Variants in NFAT5 observed in about 807,000 individuals in gnomAD.
NFAT5 encodes the protein nuclear factor of activated T-cells 5.
Under a neutral mutation model 166.5 loss-of-function variants are expected in NFAT5, and 31 were observed. That is an observed-to-expected ratio of 0.19 (90% CI 0.14 to 0.25). The LOEUF (loss-of-function observed/expected upper bound fraction) is 0.25. Among genes scored for constraint, NFAT5 ranks in the 10% least tolerant of loss-of-function variants. NFAT5 has a pLI of 1.00. For synonymous variants in NFAT5, 612 were observed against 639.7 expected, an observed-to-expected ratio of 0.96 and a Z score of 0.65; for missense variants, 1,449 against 1,821.8, an observed-to-expected ratio of 0.80 and a Z score of 3.72.
At chr16:69,622,188 G>A (rs188624888) in intron 2 of NFAT5, among the ~76,000 whole-genome samples, 3 of 152,318 alleles carry the variant, frequency 2.0e-5, no homozygotes, top group Admixed American at 6.5e-5. Context: ...TTATAGTTTA[G>A]AGGGAATATC....
At chr16:69,635,626 T>C (rs1043818991) in intron 3 of NFAT5, among the ~76,000 whole-genome samples, 1 of 152,138 alleles carries the variant, frequency 6.6e-6, no homozygotes, top group African/African-American at 2.4e-5. Context: ...CTCAGAATCA[T>C]GGCAGGAGGC....
At chr16:69,665,631 C>T (rs1412786680) in intron 7 of NFAT5, among the ~76,000 whole-genome samples, 2 of 96,644 alleles carry the variant, frequency 2.1e-5, no homozygotes, top group East Asian at 3.5e-4. Flanking sequence ...AGGACCTCTT[C>T]AAGGAGAACT....
At chr16:69,591,774 A>T (rs909009763) in intron 2 of NFAT5, among the ~76,000 whole-genome samples, 12 of 152,122 alleles carry the variant, frequency 7.9e-5, no homozygotes, top group Admixed American at 1.3e-4. Context: ...TCAGCACTTC[A>T]TGGGGCCAAG....
intron 11 of NFAT5, among the ~76,000 whole-genome samples, chr16:69,687,961 G>A (rs1402240614): frequency 6.6e-6 from 1 of 151,626 alleles, no homozygotes; most frequent in Non-Finnish European, 1.5e-5. Flanking sequence ...TTGGGAGGCC[G>A]AGGCGGGTGG....
At chr16:69,587,224 G>A (rs578009427) in intron 2 of NFAT5, among the ~76,000 whole-genome samples, 18 of 142,258 alleles carry the variant, frequency 1.3e-4, no homozygotes, top group Non-Finnish European at 1.8e-4. Context: ...TGGAATTACC[G>A]CCTGGCTAAT....
intron 7 of NFAT5, among the ~76,000 whole-genome samples, chr16:69,660,905 C>G (rs2036097955): frequency 6.6e-6 from 1 of 151,640 alleles, no homozygotes; most frequent in African/African-American, 2.4e-5. Context: ...ACCTCCCAGG[C>G]TCAAGCGATT....
intron 6 of NFAT5, among the ~76,000 whole-genome samples, chr16:69,657,550 G>A (rs1387908300): frequency 6.7e-6 from 1 of 150,306 alleles, no homozygotes; most frequent in African/African-American, 2.4e-5. Context: ...CACTAAGTCA[G>A]GAGTTCAAGA....
chr16:69,566,604 A>G lies in NFAT5; in HGVS notation c.73+230A>G, dbSNP rs1007272857. Among the ~76,000 whole-genome samples the G allele has an allele frequency of 2.6e-5, 4 of 151,998 alleles. No homozygotes were observed. Among genetic ancestry groups the G allele is most frequent in the Admixed American group, 1.3e-4 (2 of 15,290 alleles). On this transcript the variant is annotated intron_variant, in intron 1 of 14. Coordinates refer to ENST00000349945, the MANE Select transcript of NFAT5 (RefSeq NM_138713.4). This position sits in a 1 kb window ranked among gnomAD's most constrained non-coding sequence, Gnocchi z 5.7. ...CGGAGCCGCCGGCCGCTCGGGGCCC[A>G]GATTCCGTCGGCCCCCGGGGCTCTG...
At chr16:69,650,332 C>T (rs148875083) in intron 4 of NFAT5, among the ~76,000 whole-genome samples, 3 of 152,016 alleles carry the variant, frequency 2.0e-5, no homozygotes, top group South Asian at 2.1e-4. Context: ...AACTTGACTA[C>T]GTTTCTAAGC....
rs1231360023 is a variant in NFAT5, at chr16:69,699,836, C to CTCTGTG, written c.*3486_*3487insCTGTGT. 4.0e-5 allele frequency: 6 copies of CTCTGTG among 148,168 alleles called. No individual in the cohort carries two copies. Among genetic ancestry groups the CTCTGTG allele is most frequent in the African/African-American group, 1.3e-4 (5 of 39,550 alleles). The allele number at this position is 148,168 out of a possible 1,614,324, so 9.2% of individuals were successfully genotyped here. ...TCTTTCTCTCTCTCTCTCTCTCTCT[C>CTCTGTG]TGTGTGTGTGTGTGTATGTGTGTGT... is the stretch of plus-strand genomic sequence containing the variant. On this transcript the variant is annotated 3_prime_UTR_variant, in exon 15 of 15. Transcript: ENST00000349945.
intron 5 of NFAT5, among the ~76,000 whole-genome samples, chr16:69,654,967 A>G (rs1299278416): frequency 6.6e-6 from 1 of 152,176 alleles, no homozygotes; most frequent in Non-Finnish European, 1.5e-5. Context: ...GCTGTTTTAA[A>G]TATTTATTTA....
At chr16:69,608,097 G>A (rs527432193) in intron 2 of NFAT5, among the ~76,000 whole-genome samples, 1 of 151,840 alleles carries the variant, frequency 6.6e-6, no homozygotes, top group South Asian at 2.1e-4. Flanking sequence ...GCTCACGCCT[G>A]TAATCCCAGC....
rs754060819 is a variant in NFAT5, at chr16:69,699,852, A to ATG, written c.*3523_*3524dup. On this transcript the variant is annotated 3_prime_UTR_variant, in exon 15 of 15. Coordinates refer to ENST00000349945, the MANE Select transcript of NFAT5 (RefSeq NM_138713.4). The stretch of plus-strand genomic sequence containing the variant: ...TCTCTCTCTCTGTGTGTGTGTGTGT[A>ATG]TGTGTGTGTGTGTGTGTGTGTGTTT... 9,189 of 141,376 alleles carry ATG rather than the reference A, an allele frequency of 0.065. 299 individuals are homozygous for ATG. The highest frequency in any genetic ancestry group is 0.086 in the Middle Eastern group (23 of 266). The allele number at this position is 141,376 out of a possible 1,614,324, so 8.8% of individuals were successfully genotyped here.
intron 3 of NFAT5, among the ~76,000 whole-genome samples, chr16:69,639,449 A>G (rs1055319846): frequency 3.9e-5 from 6 of 152,200 alleles, no homozygotes; most frequent in Admixed American, 1.3e-4. Context: ...ACTGGAGAGT[A>G]ATTGTTTTAT....
At chr16:69,599,738 G>A (rs975967984) in intron 2 of NFAT5, among the ~76,000 whole-genome samples, 3 of 152,166 alleles carry the variant, frequency 2.0e-5, no homozygotes, top group African/African-American at 2.4e-5. Flanking sequence ...TAAATGTGGA[G>A]TTTTCCAGGT....
chr16:69,602,584 C>CTTTT (rs1396442587), intron 2 of NFAT5, among the ~76,000 whole-genome samples: 3 of 134,330 alleles, frequency 2.2e-5, no homozygotes, highest in South Asian at 2.4e-4. Context: ...TTCTTTCTTT[C>CTTTT]TTTTTTTTTT....
chr16:69,685,117 C>T, intron 11 of NFAT5, 147 bp downstream of exon 11: 1 of 333,198 alleles, frequency 3.0e-6, no homozygotes, highest in East Asian at 4.8e-5. Context: ...TTTAACTTTA[C>T]TAAATGTAGA....
At chr16:69,584,106 A>G (rs2031879338) in intron 2 of NFAT5, among the ~76,000 whole-genome samples, 1 of 151,898 alleles carries the variant, frequency 6.6e-6, no homozygotes, top group South Asian at 2.1e-4. Flanking sequence ...CGCACCTTTA[A>G]TGCCAGCTAC....
intron 7 of NFAT5, among the ~76,000 whole-genome samples, chr16:69,661,539 TAAAAAAAAAAAAAA>T (rs1037382239): frequency 2.6e-5 from 1 of 37,930 alleles, no homozygotes; most frequent in Non-Finnish European, 4.4e-5. Flanking sequence ...CCCAGTCTCT[TAAAAAAAAAAAAAA>T]AAAAAAAAAA....
Sources: gnomAD v4.1 joint callset for allele counts (sites outside exome capture counted in the v4.1 genomes callset) on GRCh38, gnomAD v4.1.1 for gene constraint, Gnocchi (gnomAD v3.1) non-coding constraint, MANE v1.5 for transcripts, NCBI Gene and HGNC (gene_info 2026-07-23, HGNC 2026-07-21) for gene names.